CACNA2D3: variants seen among roughly 807,000 people sequenced by gnomAD.
CACNA2D3 encodes calcium voltage-gated channel auxiliary subunit alpha2delta 3.
Under a neutral mutation model 160.6 loss-of-function variants are expected in CACNA2D3, and 60 were observed. The observed-to-expected ratio is 0.37, with a 90% CI of 0.30 to 0.46. The LOEUF (loss-of-function observed/expected upper bound fraction) is 0.46. Ranked by LOEUF, CACNA2D3 falls within the 20% of genes least tolerant of loss-of-function variation. The probability of loss-of-function intolerance (pLI) is 1.00; values close to 1 mark genes in which losing one functional copy is unlikely to be tolerated. For missense variants in CACNA2D3, 1,205 were observed against 1,365.0 expected (o/e 0.88, Z 1.85); for synonymous variants, 558 against 492.9 (o/e 1.13, Z -1.75).
intron 9 of CACNA2D3, among the ~76,000 whole-genome samples, chr3:54,623,038 C>T (rs140951580): frequency 1.7e-3 from 256 of 152,254 alleles, no homozygotes; most frequent in African/African-American, 4.7e-3. Flanking sequence ...GTATGGTCTC[C>T]GCAGCCAGGG....
intron 11 of CACNA2D3, among the ~76,000 whole-genome samples, chr3:54,727,689 T>A (rs918208984): frequency 1.3e-4 from 20 of 152,254 alleles, no homozygotes; most frequent in African/African-American, 4.6e-4. Context: ...TTCTCACTCA[T>A]AAGTGGGAGT....
chr3:55,022,306 C>G (rs1336235364), intron 35 of CACNA2D3, among the ~76,000 whole-genome samples: 2 of 152,052 alleles, frequency 1.3e-5, no homozygotes, highest in African/African-American at 4.8e-5. Context: ...GTAATACTTG[C>G]TAGCCATATT....
At chr3:55,007,954 T>C (rs1460445724) in intron 33 of CACNA2D3, 112 bp downstream of exon 33, 132 of 655,660 alleles carry the variant, frequency 2.0e-4, no homozygotes, top group Non-Finnish European at 2.2e-5. Flanking sequence ...AGATTCCTAG[T>C]ACTCTGAGAT....
chr3:54,558,420 T>C (rs78005993), intron 5 of CACNA2D3, among the ~76,000 whole-genome samples: 7 of 151,484 alleles, frequency 4.6e-5, no homozygotes, highest in Non-Finnish European at 1.0e-4. Context: ...ATTTTTTTTT[T>C]CCTTTCCATC....
intron 9 of CACNA2D3, among the ~76,000 whole-genome samples, chr3:54,606,772 G>A (rs929070569): frequency 6.6e-6 from 1 of 152,084 alleles, no homozygotes; most frequent in African/African-American, 2.4e-5. Context: ...ACAAGAAGAC[G>A]ACGTGGCCTG....
intron 4 of CACNA2D3, among the ~76,000 whole-genome samples, chr3:54,427,223 G>GT: frequency 6.6e-6 from 1 of 152,238 alleles, no homozygotes; most frequent in Admixed American, 6.5e-5. Flanking sequence ...TTATCTGTGC[G>GT]TATCTGTTGA....
chr3:54,910,819 A>G (rs1700540237), intron 27 of CACNA2D3, among the ~76,000 whole-genome samples: 1 of 152,036 alleles, frequency 6.6e-6, no homozygotes. Flanking sequence ...CCCTTTCTCC[A>G]TAGCCTTGAT....
intron 2 of CACNA2D3, among the ~76,000 whole-genome samples, chr3:54,282,215 T>A (rs1311992903): frequency 6.6e-6 from 1 of 152,164 alleles, no homozygotes; most frequent in East Asian, 1.9e-4. Flanking sequence ...GAATGGAGAG[T>A]TGGTGGAATT....
At chr3:54,412,607 G>GTTTTTTTTTTTTTTTTTTTTTTTTT (rs1342144952) in intron 4 of CACNA2D3, among the ~76,000 whole-genome samples, 1 of 40,430 alleles carries the variant, frequency 2.5e-5, no homozygotes, top group Non-Finnish European at 6.6e-5. Flanking sequence ...TTCTGGTCTT[G>GTTTTTTTTTTTTTTTTTTTTTTTTT]TTCTTTTTTT....
In CACNA2D3 at chr3:54,427,793, A is replaced by G. The variant is rs1244684680; in HGVS notation, c.381+41019A>G. Among the ~76,000 whole-genome samples, 4 of 152,302 alleles carry G rather than the reference A, an allele frequency of 2.6e-5. No individual in the cohort carries two copies. In the East Asian group the frequency reaches 7.7e-4, roughly 29 times the overall value. ...CAAGGTCAGACAGGTAGGACATGGT[A>G]TGGGGAACAAGGGATCAGGACCTGG... On this transcript the variant is annotated intron_variant, in intron 4 of 37. Transcript: ENST00000474759.
In CACNA2D3 at chr3:54,871,647, G is replaced by T. The variant is rs180882454; in HGVS notation, c.1710+25G>T. ...GGTAAGTGATTTGTTTTCAGGCCTC[G>T]TGGAGAAGGACCTGCATTGTACCCA... On this transcript the variant is annotated intron_variant, in intron 18 of 37. Transcript: ENST00000474759. 3.9e-6 allele frequency: 6 copies of T among 1,556,622 alleles called. No homozygotes were observed. In the South Asian group the frequency reaches 4.5e-5, roughly 12 times the overall value.
At chr3:54,229,459 C>T (rs867720610) in intron 2 of CACNA2D3, among the ~76,000 whole-genome samples, 5 of 152,276 alleles carry the variant, frequency 3.3e-5, no homozygotes, top group Middle Eastern at 3.4e-3. Flanking sequence ...TCCCAAAGTG[C>T]TGGGATTACA....
At chr3:54,879,864 A>G (rs2951877) in intron 20 of CACNA2D3, among the ~76,000 whole-genome samples, 11,884 of 152,194 alleles carry the variant, frequency 0.078, 684 homozygotes, top group African/African-American at 0.16. Flanking sequence ...GTGCTTGTCT[A>G]CTTTTGAATC....
chr3:54,986,252 C>T (rs1279158931), intron 30 of CACNA2D3, among the ~76,000 whole-genome samples: 1 of 152,138 alleles, frequency 6.6e-6, no homozygotes, highest in African/African-American at 2.4e-5. Flanking sequence ...CATGAGCAGC[C>T]ATGGCCACTA....
intron 2 of CACNA2D3, among the ~76,000 whole-genome samples, chr3:54,243,087 A>G (rs1401011866): frequency 1.3e-5 from 2 of 152,230 alleles, no homozygotes; most frequent in Admixed American, 6.5e-5. Flanking sequence ...ATTTCAGATC[A>G]TAAACCATGT....
intron 2 of CACNA2D3, among the ~76,000 whole-genome samples, chr3:54,227,258 G>A (rs987445508): frequency 6.6e-6 from 1 of 152,060 alleles, no homozygotes; most frequent in Non-Finnish European, 1.5e-5. Flanking sequence ...TTTGGCACCG[G>A]GAGAAATGTC....
At chr3:54,594,646 G>A (rs1702918963) in intron 9 of CACNA2D3, among the ~76,000 whole-genome samples, 1 of 152,204 alleles carries the variant, frequency 6.6e-6, no homozygotes, top group East Asian at 1.9e-4. Context: ...GTTCATCAGT[G>A]TTTAACTGGA....
At chr3:54,654,909 C>T (rs1416016701) in intron 11 of CACNA2D3, among the ~76,000 whole-genome samples, 1 of 152,196 alleles carries the variant, frequency 6.6e-6, no homozygotes, top group Non-Finnish European at 1.5e-5. Flanking sequence ...CTCCCTCCTC[C>T]ATGGATGCAA....
At chr3:54,157,366 C>T (rs1475681883) in intron 2 of CACNA2D3, among the ~76,000 whole-genome samples, 4 of 152,148 alleles carry the variant, frequency 2.6e-5, no homozygotes, top group African/African-American at 9.7e-5. Context: ...CACAATATAT[C>T]CCATAACACT....
Sources: gnomAD v4.1 joint callset for allele counts (sites outside exome capture counted in the v4.1 genomes callset) on GRCh38, gnomAD v4.1.1 for gene constraint, MANE v1.5 for transcripts, NCBI Gene and HGNC (gene_info 2026-07-23, HGNC 2026-07-21) for gene names.